Variants in C9orf40 observed in about 807,000 individuals in gnomAD.
C9orf40 encodes chromosome 9 open reading frame 40.
A neutral mutation model predicts 7.9 loss-of-function variants in C9orf40; 2 were observed. The ratio of observed to expected loss-of-function variants is 0.25; its 90% confidence interval spans 0.10 to 0.80. C9orf40 has a LOEUF of 0.80. C9orf40 is among the 30% of genes least tolerant of loss of function. The pLI, the probability that C9orf40 is intolerant of heterozygous loss-of-function variation, is 0.68. For missense variants in C9orf40, 256 were observed against 268.5 expected, an observed-to-expected ratio of 0.95 and a Z score of 0.33; for synonymous variants, 113 against 117.6, an observed-to-expected ratio of 0.96 and a Z score of 0.25.
chr9:74,947,562 C>G lies in C9orf40; in HGVS notation c.*486G>C, dbSNP rs1832254600. Reference sequence around the variant, plus strand: ...TTAAAACAATAGCTTTTACAACAATCCCGCCCATCTTAAGTTTGCATAGAT... The same window carrying G: ...TTAAAACAATAGCTTTTACAACAATGCCGCCCATCTTAAGTTTGCATAGAT... On this transcript the variant is annotated 3_prime_UTR_variant, in exon 2 of 2. Coordinates refer to ENST00000376854, the MANE Select transcript of C9orf40 (RefSeq NM_017998.3). 1 of 152,694 alleles carries G rather than the reference C, an allele frequency of 6.5e-6. No homozygotes were observed. The highest frequency in any genetic ancestry group is 2.4e-5 in the African/African-American group (1 of 41,434). 9.5% of individuals were successfully genotyped at this position (152,694 alleles called of 1,614,324 possible).
At position 74,952,437 on chromosome 9, in the gene C9orf40, CG is replaced by C; in HGVS notation, c.174del (p.Ile58MetfsTer114). The C allele has an allele frequency of 6.2e-7, 1 of 1,600,466 alleles. No individual in the cohort carries two copies. ...GAGGGCTCTGCCATGGTCCCTGCGT[CG>C]ATTTTGCGCTTTCGGTGCTGCTCTG... The part of the protein sequence containing the change: ...GVPEQHRKRK[I>X]DAGTMAEPSA... On this transcript the variant is annotated frameshift_variant, in exon 1 of 2. Transcript: ENST00000376854. LOFTEE classifies it high-confidence loss of function. The surrounding 1 kb of genome is among the most constrained non-coding windows in gnomAD (Gnocchi z 5.4).
chr9:74,950,250 G>A (rs1299781276), intron 1 of C9orf40, among the ~76,000 whole-genome samples: 1 of 152,200 alleles, frequency 6.6e-6, no homozygotes, highest in African/African-American at 2.4e-5. Context: ...TACTGCTGTG[G>A]GGGAAAAGAG....
At position 74,952,126 on chromosome 9, in the gene C9orf40, G is replaced by C. The variant is rs1308702362; in HGVS notation, c.426+60C>G. On this transcript the variant is annotated intron_variant, in intron 1 of 1. Coordinates refer to ENST00000376854, the MANE Select transcript of C9orf40 (RefSeq NM_017998.3). The surrounding 1 kb of genome is among the most constrained non-coding windows in gnomAD (Gnocchi z 5.4). Reference sequence around the variant, plus strand: ...TCATGAGTGGGAACCGGGGCGTTTTGTGTGTGTGGGGAAAAGGCAAGCCCC... The same window carrying C: ...TCATGAGTGGGAACCGGGGCGTTTTCTGTGTGTGGGGAAAAGGCAAGCCCC... 1 of 586,044 alleles carries C rather than the reference G, an allele frequency of 1.7e-6. No homozygotes were observed. Among genetic ancestry groups the C allele is most frequent in the East Asian group, 3.5e-5 (1 of 28,596 alleles). The allele number at this position is 586,044 out of a possible 1,614,324, so 36.3% of individuals were successfully genotyped here.
chr9:74,949,170 A>C (rs1832273135), intron 1 of C9orf40, among the ~76,000 whole-genome samples: 1 of 152,222 alleles, frequency 6.6e-6, no homozygotes, highest in South Asian at 2.1e-4. Context: ...GCTAGGTATT[A>C]TATCCCAATA....
At chr9:74,950,198 G>A (rs1345901677) in intron 1 of C9orf40, among the ~76,000 whole-genome samples, 1 of 152,210 alleles carries the variant, frequency 6.6e-6, no homozygotes, top group Non-Finnish European at 1.5e-5. Context: ...CCTGTCATGC[G>A]CTTGCAGCGA....
rs1832257742 is a variant in C9orf40, at chr9:74,947,742, TCTAAAACTG to T, written c.*297_*305del. ...AATATTTGAGTTTTTCCCACCTATTTCTAAAACTGCTAGAATTTCTTTTTATAAGATCAG... is the reference window on the plus strand; with the variant it reads ...AATATTTGAGTTTTTCCCACCTATTTCTAGAATTTCTTTTTATAAGATCAG... On this transcript the variant is annotated 3_prime_UTR_variant, in exon 2 of 2. Transcript: ENST00000376854. The T allele has an allele frequency of 5.0e-6, 1 of 199,112 alleles. No homozygotes were observed. The allele number at this position is 199,112 out of a possible 1,614,324, so 12.3% of individuals were successfully genotyped here.
chr9:74,948,436 A>T (rs1832265241), intron 1 of C9orf40, among the ~76,000 whole-genome samples: 1 of 152,222 alleles, frequency 6.6e-6, no homozygotes, highest in Non-Finnish European at 1.5e-5. Context: ...TGTTAAATTT[A>T]AAGGAATTTC....
Position 74,948,000 on chromosome 9 carries a change from A to C in C9orf40, c.*48T>G. ...CCCTTAAGAATACGAGAATTCACTTAGAGACATCTCCTCAAATCAGCCAAT... is the reference window on the plus strand; with the variant it reads ...CCCTTAAGAATACGAGAATTCACTTCGAGACATCTCCTCAAATCAGCCAAT... On this transcript the variant is annotated 3_prime_UTR_variant, in exon 2 of 2. Transcript: ENST00000376854. 6 of 1,551,140 alleles carry C rather than the reference A, an allele frequency of 3.9e-6. No individual in the cohort carries two copies. Among genetic ancestry groups the C allele is most frequent in the Non-Finnish European group, 5.3e-6 (6 of 1,140,088 alleles).
chr9:74,950,446 A>G (rs559137359), intron 1 of C9orf40, among the ~76,000 whole-genome samples: 2 of 152,328 alleles, frequency 1.3e-5, no homozygotes, highest in African/African-American at 2.4e-5. Flanking sequence ...AGAGCTTTCA[A>G]AAAGTTTTCA....
At chr9:74,950,642 T>C (rs1482476389) in intron 1 of C9orf40, among the ~76,000 whole-genome samples, 2 of 152,162 alleles carry the variant, frequency 1.3e-5, no homozygotes, top group Admixed American at 6.5e-5. Context: ...CGTTATTTTA[T>C]TGGATTTTTC....
chr9:74,952,451 C>T lies in C9orf40; in HGVS notation c.161G>A (p.Arg54Gln). 1 of 1,600,376 alleles carries T rather than the reference C, an allele frequency of 6.2e-7. No homozygotes were observed. Among genetic ancestry groups the T allele is most frequent in the Non-Finnish European group, 8.5e-7 (1 of 1,178,286 alleles). The change falls in exon 1 of 2, where the codon CGA (arginine) becomes CAA (glutamine). Residue 54 changes from arginine (R) to glutamine (Q), a missense_variant. By Grantham distance (43) the Arg-to-Gln change is conservative. Coordinates refer to ENST00000376854, the MANE Select transcript of C9orf40 (RefSeq NM_017998.3). This position sits in a 1 kb window ranked among gnomAD's most constrained non-coding sequence, Gnocchi z 5.4. The stretch of plus-strand genomic sequence containing the variant: ...GGTCCCTGCGTCGATTTTGCGCTTT[C>T]GGTGCTGCTCTGGGACGCCGAGGAG... Reference protein sequence around the residue: ...GQLLGVPEQHRKRKIDAGTMA... With the variant: ...GQLLGVPEQHQKRKIDAGTMA...
In C9orf40 at chr9:74,952,403, G is replaced by T. The variant is rs767474343; in HGVS notation, c.209C>A (p.Pro70His). The change falls in exon 1 of 2, where the codon CCC becomes CAC. Residue 70 changes from proline to histidine, a missense_variant. By Grantham distance (77) the Pro-to-His change is moderately conservative. Coordinates refer to ENST00000376854, the MANE Select transcript of C9orf40 (RefSeq NM_017998.3). This position sits in a 1 kb window ranked among gnomAD's most constrained non-coding sequence, Gnocchi z 5.4. ...GTCCCCGCTGTCACGGCGCTTGCTGGGCGAAGCCGAGGGCTCTGCCATGGT... is the reference window on the plus strand; with the variant it reads ...GTCCCCGCTGTCACGGCGCTTGCTGTGCGAAGCCGAGGGCTCTGCCATGGT... ...AGTMAEPSASPSKRRDSGDNS... is the reference protein window; with the variant it reads ...AGTMAEPSASHSKRRDSGDNS... 13 of 1,584,204 alleles carry T rather than the reference G, an allele frequency of 8.2e-6. No individual in the cohort carries two copies. The East Asian group carries it at 3.0e-4, about 37-fold the overall frequency.
In C9orf40 at chr9:74,952,186, C is replaced by CAAACA; in HGVS notation, c.425_426insTGTTT (p.Gln142HisfsTer32). The CAAACA allele has an allele frequency of 1.2e-6, 1 of 814,686 alleles. No homozygotes were observed. Among genetic ancestry groups the CAAACA allele is most frequent in the East Asian group, 3.4e-5 (1 of 29,526 alleles). The allele number at this position is 814,686 out of a possible 1,614,324, so 50.5% of individuals were successfully genotyped here. A position where few individuals can be genotyped will look rare whatever the true frequency, so the allele number is the denominator to read the frequency against. ...CAGCCCACCCGCCCCCAGCCCCTAC[C>CAAACA]TGGCGCGATGCGACCCCCCAGTCTC... On this transcript the variant is annotated frameshift_variant and splice_region_variant, in exon 1 of 2. Transcript: ENST00000376854. LOFTEE classifies it high-confidence loss of function. This position sits in a 1 kb window ranked among gnomAD's most constrained non-coding sequence, Gnocchi z 5.4.
chr9:74,952,309 C>T lies in C9orf40; in HGVS notation c.303G>A (p.Pro101=), dbSNP rs759452492. Residue 101 remains proline, a synonymous_variant, in exon 1 of 2, where the codon CCG becomes CCA. Transcript: ENST00000376854. The surrounding 1 kb of genome is among the most constrained non-coding windows in gnomAD (Gnocchi z 5.4). The part of the protein sequence containing the change: ...GLETGDPPLP[P]PPVLPGPGEE... ...CCCCCGGCCCCGGCAGTACGGGCGG[C>T]GGCGGCAGCGGCGGATCGCCTGTCT... 27 of 1,373,454 alleles carry T rather than the reference C, an allele frequency of 2.0e-5. No individual in the cohort carries two copies. The highest frequency in any genetic ancestry group is 2.5e-4 in the Middle Eastern group (1 of 4,010). The allele number at this position is 1,373,454 out of a possible 1,614,324, so 85.1% of individuals were successfully genotyped here. A position where few individuals can be genotyped will look rare whatever the true frequency, so the allele number is the denominator to read the frequency against.
rs1056894894 is a variant in C9orf40 at position 74,952,615 on chromosome 9, C to T, written c.-4G>A. 1.9e-6 allele frequency: 3 copies of T among 1,554,324 alleles called. No homozygotes were observed. The highest frequency in any genetic ancestry group is 2.6e-6 in the Non-Finnish European group (3 of 1,160,590). On this transcript the variant is annotated 5_prime_UTR_variant, in exon 1 of 2. Coordinates refer to ENST00000376854, the MANE Select transcript of C9orf40 (RefSeq NM_017998.3). The surrounding 1 kb of genome is among the most constrained non-coding windows in gnomAD (Gnocchi z 5.4). ...CGGCCGCACGCCGCTTGGCCATGGGCCCAGAGGCTCGGGCGGAGCCCGCCA... is the reference window on the plus strand; with the variant it reads ...CGGCCGCACGCCGCTTGGCCATGGGTCCAGAGGCTCGGGCGGAGCCCGCCA...
In C9orf40 at chr9:74,952,286, C is replaced by T; in HGVS notation, c.326G>A (p.Gly109Glu). Residue 109 changes from glycine (G) to glutamate (E), a missense_variant, in exon 1 of 2, where the codon GGG (glycine) becomes GAG (glutamate). Transcript: ENST00000376854. The surrounding 1 kb of genome is among the most constrained non-coding windows in gnomAD (Gnocchi z 5.4). ...GAGCCGGGCGCCCGGGAGCTCCTCC[C>T]CCGGCCCCGGCAGTACGGGCGGCGG... ...LPPPPVLPGP[G>E]EELPGARLPG... is the part of the protein sequence containing the mutation. The T allele has an allele frequency of 1.5e-6, 2 of 1,307,024 alleles. No homozygotes were observed. Among genetic ancestry groups the T allele is most frequent in the Non-Finnish European group, 9.7e-7 (1 of 1,032,546 alleles). 81.0% of individuals were successfully genotyped at this position (1,307,024 alleles called of 1,614,324 possible).
chr9:74,952,507 G>A lies in C9orf40; in HGVS notation c.105C>T (p.Ile35=), dbSNP rs771905347. 7 of 1,593,898 alleles carry A rather than the reference G, an allele frequency of 4.4e-6. No individual in the cohort carries two copies. The Admixed American group carries it at 8.4e-5, about 19-fold the overall frequency. Residue 35 remains isoleucine (I), a synonymous_variant, in exon 1 of 2, where the codon ATC becomes ATT. Transcript: ENST00000376854. This position sits in a 1 kb window ranked among gnomAD's most constrained non-coding sequence, Gnocchi z 5.4. The part of the protein sequence containing the change: ...AEQPPPPPLW[I]RPPGVAHAGQ... ...CAGCATGCGCGACCCCGGGCGGCCGGATCCAGAGAGGCGGTGGCGGCGGCT... is the reference window on the plus strand; with the variant it reads ...CAGCATGCGCGACCCCGGGCGGCCGAATCCAGAGAGGCGGTGGCGGCGGCT...
chr9:74,950,797 C>T (rs551018162), intron 1 of C9orf40, among the ~76,000 whole-genome samples: 3 of 152,194 alleles, frequency 2.0e-5, no homozygotes, highest in Admixed American at 6.5e-5. Flanking sequence ...TTCTGAGAAA[C>T]CTGTACTTGG....
chr9:74,947,914 A>G lies in C9orf40; in HGVS notation c.*134T>C, dbSNP rs1263633217. 1.1e-6 allele frequency: 1 copy of G among 875,782 alleles called. No individual in the cohort carries two copies. The highest frequency in any genetic ancestry group is 1.7e-5 in the African/African-American group (1 of 59,146). The allele number at this position is 875,782 out of a possible 1,614,324, so 54.3% of individuals were successfully genotyped here. ...AGTAACTGTAGGTATTTAATGTCAG[A>G]ACAATCTTTCTTCATTTCTCAGGTT... On this transcript the variant is annotated 3_prime_UTR_variant, in exon 2 of 2. Coordinates refer to ENST00000376854, the MANE Select transcript of C9orf40 (RefSeq NM_017998.3).
Sources: allele counts gnomAD v4.1 joint callset (sites outside exome capture counted in the v4.1 genomes callset), GRCh38; gene constraint gnomAD v4.1.1; non-coding constraint Gnocchi (gnomAD v3.1); transcripts MANE v1.5; gene names NCBI Gene and HGNC (gene_info 2026-07-23, HGNC 2026-07-21).